TAF4B: variants seen among roughly 807,000 people sequenced by gnomAD.
TAF4B encodes the protein TATA-box binding protein associated factor 4b.
TAF4B carries 38 observed loss-of-function variants against 86.4 expected under a neutral mutation model. The ratio of observed to expected loss-of-function variants is 0.44; its 90% CI spans 0.34 to 0.58. TAF4B has a LOEUF of 0.58. Ranked by LOEUF, TAF4B falls within the 20% of genes least tolerant of loss-of-function variation. The pLI is 0.02. For synonymous variants in TAF4B, 388 were observed against 391.2 expected, an observed-to-expected ratio of 0.99 and a Z score of 0.10; for missense variants, 988 against 1,027.6, an observed-to-expected ratio of 0.96 and a Z score of 0.53.
intron 1 of TAF4B, among the ~76,000 whole-genome samples, chr18:26,247,404 C>T (rs1469091186): frequency 6.6e-6 from 1 of 152,080 alleles, no homozygotes; most frequent in Non-Finnish European, 1.5e-5. Context: ...GTATGAGGAC[C>T]CTCCAAATTC....
At chr18:26,297,217 C>T (rs2056674953) in intron 9 of TAF4B, among the ~76,000 whole-genome samples, 1 of 151,054 alleles carries the variant, frequency 6.6e-6, no homozygotes, top group East Asian at 1.9e-4. Context: ...AAAGCATACA[C>T]ACAGACCAGA....
chr18:26,382,274 C>T (rs1178093358), intron 14 of TAF4B, among the ~76,000 whole-genome samples: 2 of 152,110 alleles, frequency 1.3e-5, no homozygotes, highest in African/African-American at 2.4e-5. Flanking sequence ...TTGCAAGTGT[C>T]TTAGTAAAAG....
chr18:26,311,547 G>A (rs759353679), intron 9 of TAF4B, among the ~76,000 whole-genome samples: 2 of 152,166 alleles, frequency 1.3e-5, no homozygotes, highest in Non-Finnish European at 2.9e-5. Context: ...CTTGAACCCA[G>A]GTGGTGGAGG....
chr18:26,274,946 G>A lies in TAF4B; in HGVS notation c.775G>A (p.Val259Met), dbSNP rs773043111. Residue 259 changes from valine to methionine, a missense_variant, in exon 5 of 15, where the codon GTG becomes ATG. Val to Met is a conservative substitution (Grantham distance 21, BLOSUM62 1). Coordinates refer to ENST00000269142, the MANE Select transcript of TAF4B (RefSeq NM_005640.3). ...TCATATTTAGACAATGCTAGAAAATGTGAAGAAATGCAAGAACTTCCTTGC... is the reference window on the plus strand; with the variant it reads ...TCATATTTAGACAATGCTAGAAAATATGAAGAAATGCAAGAACTTCCTTGC... ...INLSPTMLEN[V>M]KKCKNFLAML... 7 of 1,613,354 alleles carry A rather than the reference G, an allele frequency of 4.3e-6. No individual in the cohort carries two copies. In the African/African-American group the frequency reaches 5.3e-5, roughly 12 times the overall value.
chr18:26,381,462 C>T (rs1050197959), intron 14 of TAF4B, among the ~76,000 whole-genome samples: 2 of 151,978 alleles, frequency 1.3e-5, no homozygotes, highest in Non-Finnish European at 2.9e-5. Flanking sequence ...CGCGGTAGCT[C>T]ACGCCTGTAA....
At position 26,226,767 on chromosome 18, in the gene TAF4B, C is replaced by T; in HGVS notation, c.-167C>T. 2 of 508,374 alleles carry T rather than the reference C, an allele frequency of 3.9e-6. No individual in the cohort carries two copies. The highest frequency in any genetic ancestry group is 6.5e-6 in the Non-Finnish European group (2 of 309,804). The allele number at this position is 508,374 out of a possible 1,614,324, so 31.5% of individuals were successfully genotyped here. On this transcript the variant is annotated 5_prime_UTR_variant, in exon 1 of 15. Coordinates refer to ENST00000269142, the MANE Select transcript of TAF4B (RefSeq NM_005640.3). ...GAAGGTCCGGGACGCGCGTGTCCTG[C>T]CGTGCAGCGGGCGCCCGTCACTGAC...
intron 3 of TAF4B, among the ~76,000 whole-genome samples, chr18:26,272,152 C>T (rs773520574): frequency 2.6e-5 from 4 of 152,182 alleles, no homozygotes; most frequent in East Asian, 3.9e-4. Context: ...AGTGGGCAGG[C>T]GCGTGGGGGA....
At chr18:26,331,317 T>G (rs1485500681) in intron 12 of TAF4B, among the ~76,000 whole-genome samples, 2 of 152,232 alleles carry the variant, frequency 1.3e-5, no homozygotes, top group Non-Finnish European at 2.9e-5. Flanking sequence ...TTATACTTGC[T>G]CTTTATCTCC....
intron 9 of TAF4B, among the ~76,000 whole-genome samples, chr18:26,297,134 T>TA (rs34976057): frequency 3.1e-3 from 425 of 138,332 alleles, no homozygotes; most frequent in Admixed American, 4.6e-3. Flanking sequence ...ACTGTCTCAT[T>TA]AAAAAAAAAA....
intron 14 of TAF4B, among the ~76,000 whole-genome samples, chr18:26,374,919 A>G (rs1402302563): frequency 6.6e-6 from 1 of 152,136 alleles, no homozygotes; most frequent in Non-Finnish European, 1.5e-5. Flanking sequence ...AACTTTTTTC[A>G]TCGAGATATA....
At position 26,280,110 on chromosome 18, in the gene TAF4B, A is replaced by G. The variant is rs185064399; in HGVS notation, c.883-1861A>G. 6.3e-4 allele frequency among the ~76,000 whole-genome samples: 96 copies of G among 152,156 alleles called. 2 individuals are homozygous for G. Among genetic ancestry groups the G allele is most frequent in the Non-Finnish European group, 1.8e-4 (12 of 68,000 alleles). ...ATGGTGCTGGGATAACTCATTATCT[A>G]TGTGCGGAAGAATGAAACTGGACCC... On this transcript the variant is annotated intron_variant, in intron 5 of 14. Transcript: ENST00000269142.
chr18:26,298,474 C>T (rs1040763366), intron 9 of TAF4B, among the ~76,000 whole-genome samples: 20 of 152,012 alleles, frequency 1.3e-4, no homozygotes, highest in African/African-American at 2.2e-4. Context: ...CCTTGTGATC[C>T]GCCCTTCTCG....
intron 5 of TAF4B, among the ~76,000 whole-genome samples, chr18:26,279,853 T>A (rs142916856): frequency 6.6e-6 from 1 of 151,970 alleles, no homozygotes; most frequent in Non-Finnish European, 1.5e-5. Context: ...ACCAGTATGG[T>A]CAACATGGCG....
At chr18:26,259,469 T>A (rs1894513305) in intron 1 of TAF4B, among the ~76,000 whole-genome samples, 2 of 151,584 alleles carry the variant, frequency 1.3e-5, no homozygotes, top group Non-Finnish European at 2.9e-5. Flanking sequence ...GTGTGTGATG[T>A]TCCCCACCCT....
chr18:26,346,515 A>G (rs536265482), intron 13 of TAF4B, among the ~76,000 whole-genome samples: 2 of 151,898 alleles, frequency 1.3e-5, no homozygotes, highest in South Asian at 2.1e-4. Flanking sequence ...AAGAACCCCA[A>G]GTAGATTCAT....
rs572429310 is a variant in TAF4B, at chr18:26,283,241, G to A, written c.972+1181G>A. 2.0e-5 allele frequency among the ~76,000 whole-genome samples: 3 copies of A among 152,244 alleles called. No homozygotes were observed. In the East Asian group the frequency reaches 5.8e-4, roughly 29 times the overall value. ...AGAGGAATCACTGTCTATGGCAGCC[G>A]TAGTCTTACAAAATCTGTTTCTTAA... On this transcript the variant is annotated intron_variant, in intron 6 of 14. Coordinates refer to ENST00000269142, the MANE Select transcript of TAF4B (RefSeq NM_005640.3).
chr18:26,289,882 T>TA, intron 7 of TAF4B, among the ~76,000 whole-genome samples: 1 of 152,326 alleles, frequency 6.6e-6, no homozygotes, highest in South Asian at 2.1e-4. Flanking sequence ...TTCCAGGTGT[T>TA]AGAGTCATTA....
At chr18:26,326,863 G>A (rs1399067988) in intron 11 of TAF4B, 152 bp from the exon 12 acceptor site, 2 of 838,956 alleles carry the variant, frequency 2.4e-6, no homozygotes, top group Non-Finnish European at 3.4e-6. Flanking sequence ...GTAGGGGGAT[G>A]TTTGCTTAAT....
chr18:26,230,427 C>T (rs953085392), intron 1 of TAF4B, among the ~76,000 whole-genome samples: 6 of 152,186 alleles, frequency 3.9e-5, no homozygotes, highest in Admixed American at 3.3e-4. Context: ...ATACAGTGTA[C>T]ATGATCATCA....
Sources: allele counts gnomAD v4.1 joint callset (sites outside exome capture counted in the v4.1 genomes callset), GRCh38; gene constraint gnomAD v4.1.1; transcripts MANE v1.5; gene names NCBI Gene and HGNC (gene_info 2026-07-23, HGNC 2026-07-21).